Variants in ANXA4 observed in about 807,000 individuals in gnomAD.
ANXA4 encodes the protein 35-beta calcimedin.
Under a neutral mutation model 49.8 loss-of-function variants are expected in ANXA4, and 39 were observed. The observed-to-expected ratio is 0.78, with a 90% CI of 0.61 to 1.02. The LOEUF is 1.02. Among genes scored for constraint, ANXA4 ranks in the 50% least tolerant of loss-of-function variants. ANXA4 has a pLI of 0.00. For synonymous variants in ANXA4, 134 were observed against 152.5 expected, an observed-to-expected ratio of 0.88 and a Z score of 0.89; for missense variants, 360 against 410.1, an observed-to-expected ratio of 0.88 and a Z score of 1.05.
At chr2:69,688,123 C>G (rs1326644120) in intron 2 of ANXA4, among the ~76,000 whole-genome samples, 7 of 152,148 alleles carry the variant, frequency 4.6e-5, no homozygotes, top group Non-Finnish European at 8.8e-5. Flanking sequence ...TTTCTTAAAC[C>G]TCTTTTAGGC....
At chr2:69,723,188 CAA>C (rs35252771) in intron 3 of ANXA4, among the ~76,000 whole-genome samples, 3 of 114,152 alleles carry the variant, frequency 2.6e-5, no homozygotes, top group Non-Finnish European at 3.6e-5. Context: ...AAGACTGTCT[CAA>C]AAAAAAAAAA....
chr2:69,643,973 G>A, upstream of ANXA4: 2 of 901,238 alleles, frequency 2.2e-6, no homozygotes, highest in Admixed American at 5.4e-5. Context: ...CACCCGAGCC[G>A]CAGGGCAAGC....
intron 1 of ANXA4, among the ~76,000 whole-genome samples, chr2:69,751,519 AAAAAAAAAATAC>A (rs1440115579): frequency 1.3e-5 from 2 of 151,904 alleles, no homozygotes; most frequent in African/African-American, 2.4e-5. Context: ...AAAAAAAAAA[AAAAAAAAAATAC>A]AAAGTGGGGA....
At chr2:69,804,717 T>C (rs2103810499) in intron 4 of ANXA4, 90 bp downstream of exon 4, 1 of 1,139,486 alleles carries the variant, frequency 8.8e-7, no homozygotes, top group Non-Finnish European at 1.3e-6. Flanking sequence ...GAAGTGACCT[T>C]GTGTTTTAAA....
At chr2:69,695,462 G>T (rs1422196484) in intron 2 of ANXA4, among the ~76,000 whole-genome samples, 3 of 152,182 alleles carry the variant, frequency 2.0e-5, no homozygotes, top group African/African-American at 7.2e-5. Flanking sequence ...AGATGAGGGA[G>T]AAAAAAGAAG....
chr2:69,682,237 T>C (rs1046752969), intron 2 of ANXA4, among the ~76,000 whole-genome samples: 23 of 152,180 alleles, frequency 1.5e-4, no homozygotes, highest in Non-Finnish European at 2.1e-4. Flanking sequence ...TGTTTATTGA[T>C]ATAAACTCCC....
At chr2:69,752,035 G>A (rs1304310069) in intron 1 of ANXA4, among the ~76,000 whole-genome samples, 2 of 152,158 alleles carry the variant, frequency 1.3e-5, no homozygotes, top group South Asian at 2.1e-4. Flanking sequence ...CAGAAGAGGT[G>A]CACCTAACTC....
At chr2:69,730,813 G>T (rs1285897865) in intron 3 of ANXA4, among the ~76,000 whole-genome samples, 1 of 152,214 alleles carries the variant, frequency 6.6e-6, no homozygotes, top group Admixed American at 6.5e-5. Context: ...CTGCTGCTTA[G>T]GGATTGCTTG....
intron 2 of ANXA4, among the ~76,000 whole-genome samples, chr2:69,686,038 ATAAT>A (rs1220612169): frequency 6.6e-6 from 1 of 152,236 alleles, no homozygotes; most frequent in Non-Finnish European, 1.5e-5. Flanking sequence ...AGGAGAGATA[ATAAT>A]TAAACACAGT....
At chr2:69,722,243 C>A (rs1669833523) in intron 3 of ANXA4, among the ~76,000 whole-genome samples, 1 of 152,112 alleles carries the variant, frequency 6.6e-6, no homozygotes, top group South Asian at 2.1e-4. Flanking sequence ...TTGGAAGTAG[C>A]AGTGATGTAA....
At chr2:69,692,599 G>A (rs1678012735) in intron 2 of ANXA4, among the ~76,000 whole-genome samples, 2 of 152,162 alleles carry the variant, frequency 1.3e-5, no homozygotes, top group African/African-American at 4.8e-5. Context: ...GAGGAGCCCA[G>A]TCTTCATACC....
At chr2:69,822,917 TA>T (rs953870381) in intron 12 of ANXA4, among the ~76,000 whole-genome samples, 156 of 152,008 alleles carry the variant, frequency 1.0e-3, no homozygotes, top group Non-Finnish European at 1.1e-3. Context: ...TATATATATA[TA>T]TTTTTTTACC....
chr2:69,751,036 T>C (rs1374620826), intron 1 of ANXA4, among the ~76,000 whole-genome samples: 4 of 152,190 alleles, frequency 2.6e-5, no homozygotes, highest in African/African-American at 7.2e-5. Flanking sequence ...ACATCTGGTA[T>C]GATATTTTAT....
intron 2 of ANXA4, among the ~76,000 whole-genome samples, chr2:69,707,923 C>G (rs1416242449): frequency 6.6e-6 from 1 of 152,216 alleles, no homozygotes; most frequent in East Asian, 1.9e-4. Flanking sequence ...TACTCTCTAT[C>G]ACTGTATTTA....
upstream of ANXA4, chr2:69,644,017 G>T: frequency 4.4e-6 from 2 of 450,564 alleles, no homozygotes; most frequent in South Asian, 2.0e-4. Flanking sequence ...CCGGCTGCTG[G>T]ACTACAAATC....
chr2:69,768,613 A>C (rs1333456087), intron 1 of ANXA4, among the ~76,000 whole-genome samples: 1 of 152,240 alleles, frequency 6.6e-6, no homozygotes, highest in Non-Finnish European at 1.5e-5. Context: ...GACATGGGGC[A>C]GGCATTCAGA....
intron 2 of ANXA4, among the ~76,000 whole-genome samples, chr2:69,676,596 A>C (rs1677420643): frequency 6.6e-6 from 1 of 152,196 alleles, no homozygotes; most frequent in African/African-American, 2.4e-5. Context: ...ATAAAGTATA[A>C]ATTAAAAACC....
rs1042960854 is a variant in ANXA4 at position 69,806,384 on chromosome 2, G to A, written c.193-1G>A. The A allele has an allele frequency of 6.2e-7, 1 of 1,612,276 alleles. No homozygotes were observed. Among genetic ancestry groups the A allele is most frequent in the African/African-American group, 1.3e-5 (1 of 75,014 alleles). On this transcript the variant is annotated splice_acceptor_variant, in intron 4 of 12. Coordinates refer to ENST00000394295, the MANE Select transcript of ANXA4 (RefSeq NM_001153.5). LOFTEE classifies it high-confidence loss of function. ...AGCGGAGCTACTTTCTTGCATTGCA[G>A]GACTTGATAGACGACCTGAAGTCAG... is the stretch of plus-strand genomic sequence containing the variant.
At chr2:69,695,048 G>A (rs1339835869) in intron 2 of ANXA4, among the ~76,000 whole-genome samples, 2 of 152,134 alleles carry the variant, frequency 1.3e-5, no homozygotes, top group Admixed American at 1.3e-4. Flanking sequence ...AGGCTGAGAG[G>A]TGGGAGTATC....
Sources: allele counts gnomAD v4.1 joint callset (sites outside exome capture counted in the v4.1 genomes callset), GRCh38; gene constraint gnomAD v4.1.1; transcripts MANE v1.5; gene names NCBI Gene and HGNC (gene_info 2026-07-23, HGNC 2026-07-21).